RGS7: variants seen among roughly 807,000 people sequenced by gnomAD.
RGS7 encodes regulator of G protein signaling 7.
RGS7 carries 27 observed loss-of-function variants against 81.1 expected under a neutral mutation model. The observed-to-expected ratio is 0.33, with a 90% CI of 0.25 to 0.46. The LOEUF is 0.46. Among genes scored for constraint, RGS7 ranks in the 20% least tolerant of loss-of-function variants. RGS7 has a pLI of 1.00. For missense variants in RGS7, 396 were observed against 607.4 expected (o/e 0.65, Z 3.66); for synonymous variants, 208 against 207.7 (o/e 1.00, Z -0.01).
chr1:241,027,736 A>G (rs1167693141), intron 3 of RGS7, among the ~76,000 whole-genome samples: 3 of 152,126 alleles, frequency 2.0e-5, no homozygotes, highest in Non-Finnish European at 4.4e-5. Context: ...GGCAGTTGAG[A>G]AGGAGAAGTA....
At chr1:240,995,181 T>C (rs1366741187) in intron 3 of RGS7, among the ~76,000 whole-genome samples, 1 of 152,248 alleles carries the variant, frequency 6.6e-6, no homozygotes. Flanking sequence ...CCTGCATCTC[T>C]GAAATAAACC....
intron 2 of RGS7, among the ~76,000 whole-genome samples, chr1:241,208,482 C>T (rs1413753157): frequency 6.6e-6 from 1 of 152,114 alleles, no homozygotes; most frequent in Non-Finnish European, 1.5e-5. Context: ...CCTCCCAACA[C>T]CTACCTCAGA....
At chr1:241,002,939 C>T (rs1172607661) in intron 3 of RGS7, among the ~76,000 whole-genome samples, 1 of 152,184 alleles carries the variant, frequency 6.6e-6, no homozygotes, top group Non-Finnish European at 1.5e-5. Context: ...TAATACACCA[C>T]TTTGAAGAAG....
chr1:240,782,951 C>T (rs942273063), intron 18 of RGS7, among the ~76,000 whole-genome samples: 1 of 152,110 alleles, frequency 6.6e-6, no homozygotes, highest in African/African-American at 2.4e-5. Flanking sequence ...TAGAGAAAGA[C>T]AAATATACTC....
intron 2 of RGS7, among the ~76,000 whole-genome samples, chr1:241,299,935 CAAAAAAAAAAA>C (rs35939099): frequency 1.7e-4 from 10 of 58,090 alleles, no homozygotes; most frequent in African/African-American, 6.0e-4. Flanking sequence ...CTCGTTTCTC[CAAAAAAAAAAA>C]AAAAAAAAAA....
intron 2 of RGS7, among the ~76,000 whole-genome samples, chr1:241,281,517 A>G (rs1428037333): frequency 6.6e-6 from 1 of 152,224 alleles, no homozygotes; most frequent in Non-Finnish European, 1.5e-5. Context: ...CCCACATGAA[A>G]TATCACTAGT....
chr1:241,144,295 C>T lies in RGS7; in HGVS notation c.79-45533G>A, dbSNP rs2068135825. Among the ~76,000 whole-genome samples the T allele has an allele frequency of 6.6e-6, 1 of 152,182 alleles. No individual in the cohort carries two copies. The highest frequency in any genetic ancestry group is 2.4e-5 in the African/African-American group (1 of 41,448). ...TTATTTCTCTGCTGTTTATACCAAA[C>T]TTTTCCTGCAAACGCATCCATCACA... On this transcript the variant is annotated intron_variant, in intron 2 of 18. Transcript: ENST00000440928. The surrounding 1 kb of genome is among the most constrained non-coding windows in gnomAD (Gnocchi z 4.7).
intron 3 of RGS7, among the ~76,000 whole-genome samples, chr1:241,005,925 C>T (rs987530519): frequency 6.6e-6 from 1 of 152,198 alleles, no homozygotes; most frequent in Non-Finnish European, 1.5e-5. Context: ...GTCACTTCCA[C>T]TGTATGAATC....
intron 2 of RGS7, among the ~76,000 whole-genome samples, chr1:241,103,390 C>T (rs1409431577): frequency 1.3e-5 from 2 of 151,970 alleles, no homozygotes; most frequent in African/African-American, 4.8e-5. Flanking sequence ...CTTGGGTCAC[C>T]GAGGATTTTT....
chr1:241,243,678 G>A (rs923052737), intron 2 of RGS7, among the ~76,000 whole-genome samples: 2 of 152,160 alleles, frequency 1.3e-5, no homozygotes, highest in African/African-American at 2.4e-5. Context: ...GAAATTTGGA[G>A]AGAGAAGGAA....
chr1:241,049,369 A>T (rs1316010807), intron 3 of RGS7, among the ~76,000 whole-genome samples: 1 of 152,238 alleles, frequency 6.6e-6, no homozygotes, highest in Non-Finnish European at 1.5e-5. Context: ...ACATAGATGC[A>T]TTAGACACAC....
intron 4 of RGS7, among the ~76,000 whole-genome samples, chr1:240,945,605 A>G (rs1678471051): frequency 6.6e-6 from 1 of 152,236 alleles, no homozygotes; most frequent in South Asian, 2.1e-4. Flanking sequence ...ACCATAATGA[A>G]TGATAAGTCT....
intron 6 of RGS7, among the ~76,000 whole-genome samples, chr1:240,903,901 G>T (rs1402271302): frequency 2.0e-5 from 3 of 152,210 alleles, no homozygotes. Flanking sequence ...CCCATGAGAG[G>T]AAGCAGCCTG....
intron 9 of RGS7, among the ~76,000 whole-genome samples, chr1:240,844,251 T>G (rs1658646803): frequency 6.6e-6 from 1 of 152,098 alleles, no homozygotes; most frequent in Admixed American, 6.5e-5. Context: ...GGCTGGCTTC[T>G]CAATAGAGTA....
chr1:241,211,699 G>A (rs2074252828), intron 2 of RGS7, among the ~76,000 whole-genome samples: 1 of 152,182 alleles, frequency 6.6e-6, no homozygotes, highest in African/African-American at 2.4e-5. Flanking sequence ...ATGGAAGTCT[G>A]TATGTTTCAT....
At chr1:241,183,151 G>T (rs1337196775) in intron 2 of RGS7, among the ~76,000 whole-genome samples, 1 of 152,096 alleles carries the variant, frequency 6.6e-6, no homozygotes, top group Non-Finnish European at 1.5e-5. Flanking sequence ...CACTCTCATT[G>T]CTTGGACATA....
chr1:240,774,900 C>T (rs986320906), downstream of RGS7, among the ~76,000 whole-genome samples: 1 of 152,096 alleles, frequency 6.6e-6, no homozygotes, highest in Non-Finnish European at 1.5e-5. Context: ...CAACTAATAG[C>T]ATTTACATTG....
intron 3 of RGS7, among the ~76,000 whole-genome samples, chr1:241,006,852 A>G (rs2058707890): frequency 6.6e-6 from 1 of 152,132 alleles, no homozygotes; most frequent in African/African-American, 2.4e-5. Context: ...GAAAATAATA[A>G]TGAAGCCCTT....
intron 5 of RGS7, among the ~76,000 whole-genome samples, chr1:240,932,956 T>C (rs1675839715): frequency 7.7e-6 from 1 of 129,808 alleles, no homozygotes. Context: ...CGATCTCGGC[T>C]CACTGCAAGC....
Sources: gnomAD v4.1 joint callset for allele counts (sites outside exome capture counted in the v4.1 genomes callset) on GRCh38, gnomAD v4.1.1 for gene constraint, Gnocchi (gnomAD v3.1) non-coding constraint, MANE v1.5 for transcripts, NCBI Gene and HGNC (gene_info 2026-07-23, HGNC 2026-07-21) for gene names.